The following IL1RAPL2 variants were observed in gnomAD, a reference collection of about 807,000 sequenced individuals.
IL1RAPL2 encodes interleukin 1 receptor accessory protein like 2.
IL1RAPL2 carries 3 observed loss-of-function variants against 44.1 expected under a neutral mutation model. The observed-to-expected ratio is 0.07, with a 90% confidence interval of 0.03 to 0.18. The LOEUF is 0.18. Ranked by LOEUF, IL1RAPL2 falls within the 10% of genes least tolerant of loss-of-function variation. The probability of loss-of-function intolerance (pLI) is 1.00; values close to 1 mark genes in which losing one functional copy is unlikely to be tolerated. For missense variants in IL1RAPL2, 391 were observed against 496.4 expected (o/e 0.79, Z 2.02); for synonymous variants, 181 against 178.8 (o/e 1.01, Z -0.10).
intron 2 of IL1RAPL2, among the ~76,000 whole-genome samples, chrX:104,835,686 C>T (rs1453200412): frequency 1.8e-5 from 2 of 112,220 alleles, no homozygotes; most frequent in Non-Finnish European, 3.8e-5. Flanking sequence ...CTAATACTGG[C>T]ACCACTGATA....
chrX:104,641,312 T>C (rs1481466012), intron 1 of IL1RAPL2, among the ~76,000 whole-genome samples: 2 of 111,257 alleles, frequency 1.8e-5, no homozygotes, highest in East Asian at 5.7e-4. Flanking sequence ...GTACTCTGCC[T>C]TGGGGTTGGG....
At chrX:105,226,955 A>G (rs2034021538) in intron 3 of IL1RAPL2, among the ~76,000 whole-genome samples, 1 of 108,373 alleles carries the variant, frequency 9.2e-6, no homozygotes, top group Non-Finnish European at 1.9e-5. Flanking sequence ...TTATGCTTAA[A>G]TAATTCTGGG....
chrX:105,680,708 G>T (rs949511173), intron 6 of IL1RAPL2, among the ~76,000 whole-genome samples: 2 of 112,061 alleles, frequency 1.8e-5, no homozygotes, highest in Admixed American at 1.9e-4. Flanking sequence ...TTTCATTTCA[G>T]TTTATAAAAG....
chrX:105,210,907 C>T (rs1035846245), intron 3 of IL1RAPL2, among the ~76,000 whole-genome samples: 1 of 110,607 alleles, frequency 9.0e-6, no homozygotes, highest in East Asian at 2.9e-4. Context: ...TCCATCCTTC[C>T]ACCTGTTAGC....
intron 1 of IL1RAPL2, among the ~76,000 whole-genome samples, chrX:104,615,576 G>A (rs1203355744): frequency 1.8e-5 from 2 of 111,635 alleles, no homozygotes; most frequent in African/African-American, 3.3e-5. Flanking sequence ...TTTGATGGCT[G>A]CATATTATTC....
At chrX:104,681,182 ACT>A (rs1218401935) in intron 2 of IL1RAPL2, among the ~76,000 whole-genome samples, 1 of 112,057 alleles carries the variant, frequency 8.9e-6, no homozygotes, top group Non-Finnish European at 1.9e-5. Flanking sequence ...CACATATAAT[ACT>A]CTCAATAAAT....
chrX:104,631,914 C>A (rs1297563963), intron 1 of IL1RAPL2, among the ~76,000 whole-genome samples: 1 of 109,880 alleles, frequency 9.1e-6, no homozygotes, highest in African/African-American at 3.3e-5. Context: ...GAAGTCCTTG[C>A]CCATGCCTAT....
rs757582316 is a variant in IL1RAPL2 at position 105,304,891 on chromosome X, G to T, written c.697+37350G>T. Reference sequence around the variant, plus strand: ...TCTATAAAGTAAAGCAGTTTAATTGGCTCACGGTTCTGCTGGCTGTACAGG... The same window carrying T: ...TCTATAAAGTAAAGCAGTTTAATTGTCTCACGGTTCTGCTGGCTGTACAGG... On this transcript the variant is annotated intron_variant, in intron 5 of 10. Coordinates refer to ENST00000372582, the MANE Select transcript of IL1RAPL2 (RefSeq NM_017416.2). Among the ~76,000 whole-genome samples, 5 of 111,651 alleles carry T rather than the reference G, an allele frequency of 4.5e-5. No homozygotes were observed. In the South Asian group the frequency reaches 1.9e-3, roughly 42 times the overall value.
At chrX:105,379,675 C>T (rs753181165) in intron 5 of IL1RAPL2, among the ~76,000 whole-genome samples, 43 of 111,590 alleles carry the variant, frequency 3.9e-4, no homozygotes, top group Non-Finnish European at 7.0e-4. Flanking sequence ...TGTACAGTCA[C>T]TTAGCCTGTT....
At chrX:104,703,907 A>G (rs1008863170) in intron 2 of IL1RAPL2, among the ~76,000 whole-genome samples, 5 of 112,170 alleles carry the variant, frequency 4.5e-5, no homozygotes, top group African/African-American at 1.6e-4. Flanking sequence ...AGAAGAAAAT[A>G]AGCTTGGCCC....
chrX:105,623,347 G>GTA (rs754620271), intron 6 of IL1RAPL2, among the ~76,000 whole-genome samples: 30 of 108,816 alleles, frequency 2.8e-4, no homozygotes, highest in South Asian at 1.2e-3. Context: ...ACACACACAC[G>GTA]TATATATATA....
At chrX:105,195,366 T>C in intron 2 of IL1RAPL2, 109 bp from the exon 3 acceptor site, 1 of 729,978 alleles carries the variant, frequency 1.4e-6, no homozygotes, top group Non-Finnish European at 2.1e-6. Flanking sequence ...GAAGATTGAA[T>C]GAAGTAATCT....
At chrX:105,650,733 G>A (rs1010699644) in intron 6 of IL1RAPL2, among the ~76,000 whole-genome samples, 1 of 111,831 alleles carries the variant, frequency 8.9e-6, no homozygotes, top group African/African-American at 3.3e-5. Context: ...ACTGAGGAGA[G>A]CTAGGAAAGG....
chrX:105,477,473 A>G (rs2036205399), intron 5 of IL1RAPL2, among the ~76,000 whole-genome samples: 1 of 111,779 alleles, frequency 8.9e-6, no homozygotes, highest in Non-Finnish European at 1.9e-5. Flanking sequence ...TAAAAAAATG[A>G]CAAGTATTCC....
At chrX:104,674,950 T>G (rs1450110622) in intron 2 of IL1RAPL2, among the ~76,000 whole-genome samples, 1 of 111,480 alleles carries the variant, frequency 9.0e-6, no homozygotes, top group Non-Finnish European at 1.9e-5. Flanking sequence ...TGATATCCCC[T>G]TTATAATTTT....
intron 1 of IL1RAPL2, chrX:104,647,442 CT>C: frequency 1.6e-6 from 1 of 611,339 alleles, no homozygotes; most frequent in South Asian, 2.2e-5. Context: ...TGATCCACCT[CT>C]TTGGCTTCCA....
chrX:104,585,345 A>ATATATAT lies in IL1RAPL2; in HGVS notation c.-20+18302_-20+18308dup, dbSNP rs1256437799. On this transcript the variant is annotated intron_variant, in intron 1 of 10. Coordinates refer to ENST00000372582, the MANE Select transcript of IL1RAPL2 (RefSeq NM_017416.2). ...TTATATATAATATATATTATATATTATATATATTATATATATTATATATAT... is the reference window on the plus strand; with the variant it reads ...TTATATATAATATATATTATATATTATATATATTATATATTATATATATTATATATAT... Among the ~76,000 whole-genome samples the ATATATAT allele has an allele frequency of 0.014, 168 of 11,972 alleles. 14 individuals are homozygous for ATATATAT. In the African/African-American group the frequency reaches 0.15, roughly 11 times the overall value. The allele number at this position is 11,972 out of a possible 115,157, so 10.4% of individuals were successfully genotyped here.
intron 6 of IL1RAPL2, among the ~76,000 whole-genome samples, chrX:105,671,493 T>C (rs1362829172): frequency 8.9e-6 from 1 of 111,880 alleles, no homozygotes; most frequent in Non-Finnish European, 1.9e-5. Flanking sequence ...TTTTGCTTTA[T>C]TGCACTGGCT....
chrX:105,128,325 C>T (rs1463323432), intron 2 of IL1RAPL2, among the ~76,000 whole-genome samples: 1 of 110,438 alleles, frequency 9.1e-6, no homozygotes. Flanking sequence ...ATTATGTTGC[C>T]GTTTACTACC....
Sources: gnomAD v4.1 joint callset for allele counts (sites outside exome capture counted in the v4.1 genomes callset) on GRCh38, gnomAD v4.1.1 for gene constraint, MANE v1.5 for transcripts, NCBI Gene and HGNC (gene_info 2026-07-23, HGNC 2026-07-21) for gene names.